SLC2A5: variants seen among roughly 807,000 people sequenced by gnomAD.
SLC2A5 encodes solute carrier family 2 member 5.
SLC2A5 carries 56 observed loss-of-function variants against 50.3 expected under a neutral mutation model. The observed-to-expected ratio is 1.11, with a 90% confidence interval of 0.90 to 1.39. The LOEUF (loss-of-function observed/expected upper bound fraction) is 1.39, where lower values mean the gene tolerates loss of function less well. Ranked by LOEUF, SLC2A5 falls within the 40% of genes most tolerant of loss-of-function variation. The pLI is 0.00. For synonymous variants in SLC2A5, 269 were observed against 281.9 expected (o/e 0.95, Z 0.46); for missense variants, 566 against 650.1 (o/e 0.87, Z 1.41).
chr1:9,049,486 G>A (rs1301414252), intron 3 of SLC2A5, among the ~76,000 whole-genome samples: 1 of 151,932 alleles, frequency 6.6e-6, no homozygotes, highest in African/African-American at 2.4e-5. Context: ...CACTTTGAGA[G>A]GCCAAGGCGG....
chr1:9,074,709 C>G (rs1642261130), intron 2 of SLC2A5, among the ~76,000 whole-genome samples: 1 of 152,048 alleles, frequency 6.6e-6, no homozygotes, highest in Non-Finnish European at 1.5e-5. Flanking sequence ...AGAGAAAACG[C>G]TGAAAATTCT....
intron 1 of SLC2A5, among the ~76,000 whole-genome samples, chr1:9,087,892 G>A (rs1156904868): frequency 2.0e-5 from 3 of 151,960 alleles, no homozygotes; most frequent in African/African-American, 7.2e-5. Flanking sequence ...GAGGCCCTTT[G>A]CCAATTCCAA....
intron 3 of SLC2A5, among the ~76,000 whole-genome samples, chr1:9,054,036 G>A (rs577541935): frequency 7.2e-5 from 11 of 152,140 alleles, no homozygotes; most frequent in South Asian, 6.2e-4. Flanking sequence ...TATTACATCC[G>A]AAGAGAGAAT....
chr1:9,056,679 G>C (rs528086401), intron 3 of SLC2A5, among the ~76,000 whole-genome samples: 22 of 152,212 alleles, frequency 1.4e-4, no homozygotes, highest in Non-Finnish European at 2.8e-4. Flanking sequence ...TTATACGGGG[G>C]AGCGTGACAT....
chr1:9,071,248 G>A (rs1292090762), upstream of SLC2A5, among the ~76,000 whole-genome samples: 20 of 152,022 alleles, frequency 1.3e-4, no homozygotes, highest in African/African-American at 4.3e-4. Context: ...TGTCTTTACC[G>A]AAAATACAAA....
intron 2 of SLC2A5, 71 bp downstream of exon 2, chr1:9,058,081 T>C (rs1161557276): frequency 1.6e-5 from 18 of 1,145,412 alleles, no homozygotes; most frequent in Non-Finnish European, 2.0e-5. Flanking sequence ...AGCCCCACGC[T>C]GGCCAGTCCC....
intron 3 of SLC2A5, among the ~76,000 whole-genome samples, chr1:9,051,132 G>A (rs117684183): frequency 0.016 from 2,363 of 151,592 alleles, 33 homozygotes; most frequent in South Asian, 0.064. Flanking sequence ...CTGAGCAATT[G>A]TCTGTAATTT....
At position 9,038,499 on chromosome 1, in the gene SLC2A5, A is replaced by T. The variant is rs1641197332; in HGVS notation, c.1106T>A (p.Val369Glu). The T allele has an allele frequency of 1.2e-6, 2 of 1,612,730 alleles. No homozygotes were observed. The highest frequency in any genetic ancestry group is 1.3e-5 in the African/African-American group (1 of 75,034). Residue 369 changes from valine to glutamate, a missense_variant, in exon 10 of 12, where the codon GTG becomes GAG. Transcript: ENST00000377424. Reference protein sequence around the residue: ...LTAALALQDTVSWMPYISIVC... With the variant: ...LTAALALQDTESWMPYISIVC... ...GATGCTGATGTATGGCATCCAGGAC[A>T]CTGTGTCCTGTGGAGAGAAAGCAGT...
At chr1:9,050,342 C>T (rs77111503) in intron 3 of SLC2A5, among the ~76,000 whole-genome samples, 3,324 of 151,834 alleles carry the variant, frequency 0.022, 49 homozygotes, top group Non-Finnish European at 0.036. Context: ...CCTGTAGTCC[C>T]AGCTACTGGA....
intron 3 of SLC2A5, among the ~76,000 whole-genome samples, chr1:9,056,585 C>T (rs1641758085): frequency 1.3e-5 from 2 of 152,222 alleles, no homozygotes; most frequent in South Asian, 2.1e-4. Context: ...CTCAGCCCCA[C>T]GTGCTCCTCA....
chr1:9,036,594 A>C lies in SLC2A5; in HGVS notation c.*992T>G, dbSNP rs1305288413. 1 of 152,280 alleles carries C rather than the reference A, an allele frequency of 6.6e-6. No individual in the cohort carries two copies. Among genetic ancestry groups the C allele is most frequent in the Non-Finnish European group, 1.5e-5 (1 of 68,128 alleles). The allele number at this position is 152,280 out of a possible 1,614,324, so 9.4% of individuals were successfully genotyped here. Reference sequence around the variant, plus strand: ...AGTGGCTCACACCTGTAATCCCAGCACTTTGAGGGGCCTAGGTGGGCGGAT... The same window carrying C: ...AGTGGCTCACACCTGTAATCCCAGCCCTTTGAGGGGCCTAGGTGGGCGGAT... On this transcript the variant is annotated 3_prime_UTR_variant, in exon 12 of 12. Transcript: ENST00000377424.
chr1:9,054,915 C>T (rs1160227394), intron 3 of SLC2A5, among the ~76,000 whole-genome samples: 1 of 152,084 alleles, frequency 6.6e-6, no homozygotes, highest in Admixed American at 6.6e-5. Flanking sequence ...CAGAGTGAGA[C>T]CCTGTCTCAC....
At chr1:9,078,924 C>A (rs1053533871) in intron 2 of SLC2A5, among the ~76,000 whole-genome samples, 1 of 152,202 alleles carries the variant, frequency 6.6e-6, no homozygotes, top group Non-Finnish European at 1.5e-5. Flanking sequence ...GACCTGACCA[C>A]CCCACAGTGC....
At chr1:9,043,246 A>C (rs1478406740) in intron 4 of SLC2A5, among the ~76,000 whole-genome samples, 4 of 152,102 alleles carry the variant, frequency 2.6e-5, no homozygotes, top group Non-Finnish European at 5.9e-5. Context: ...GCTGCTGTTG[A>C]TGGCGGGGTA....
chr1:9,084,695 G>A (rs1457638807), intron 2 of SLC2A5, among the ~76,000 whole-genome samples: 1 of 152,182 alleles, frequency 6.6e-6, no homozygotes, highest in Non-Finnish European at 1.5e-5. Context: ...ACACGCTTTG[G>A]AAGCCAGCAG....
chr1:9,043,683 C>T (rs1050314329), intron 4 of SLC2A5, among the ~76,000 whole-genome samples: 7 of 151,418 alleles, frequency 4.6e-5, no homozygotes, highest in Non-Finnish European at 1.0e-4. Context: ...CTAGGACCTC[C>T]CAGCCAGCCA....
intron 1 of SLC2A5, among the ~76,000 whole-genome samples, 198 bp downstream of exon 1, chr1:9,069,306 C>T: frequency 6.6e-6 from 1 of 152,214 alleles, no homozygotes; most frequent in East Asian, 1.9e-4. Flanking sequence ...TTCCACAGAG[C>T]ACTTGTCTCT....
At chr1:9,075,932 A>G (rs996440981) in intron 2 of SLC2A5, among the ~76,000 whole-genome samples, 8 of 151,328 alleles carry the variant, frequency 5.3e-5, no homozygotes, top group Non-Finnish European at 1.2e-4. Context: ...AAGTGCTGGG[A>G]TTACAGGCGT....
rs201775719 is a variant in SLC2A5, at chr1:9,038,013, C to A, written c.1186G>T (p.Ala396Ser). ...GHALGPSPIP[A>S]LLITEIFLQS... ...AGGAAGATCTCAGTGATGAGCAGCG[C>A]GGGTATGGGACCTGTAGGGGGAGGA... The change falls in exon 11 of 12, where the codon GCG becomes TCG. Residue 396 changes from alanine (A) to serine (S), a missense_variant. Ala to Ser is a moderately conservative substitution (Grantham distance 99). Coordinates refer to ENST00000377424, the MANE Select transcript of SLC2A5 (RefSeq NM_003039.3). 1 of 1,613,758 alleles carries A rather than the reference C, an allele frequency of 6.2e-7. No individual in the cohort carries two copies. The highest frequency in any genetic ancestry group is 2.2e-5 in the East Asian group (1 of 44,880).
Sources: allele counts gnomAD v4.1 joint callset (sites outside exome capture counted in the v4.1 genomes callset), GRCh38; gene constraint gnomAD v4.1.1; transcripts MANE v1.5; gene names NCBI Gene and HGNC (gene_info 2026-07-23, HGNC 2026-07-21).